The following FKRP variants were observed in gnomAD, a reference collection of about 807,000 sequenced individuals.
FKRP encodes the protein fukutin related protein, also known as ribitol 5-phosphate transferase FKRP.
FKRP carries 25 observed loss-of-function variants against 30.6 expected under a neutral mutation model. That is an observed-to-expected ratio of 0.82 (90% CI 0.60 to 1.14). The LOEUF is 1.14. FKRP is among the 50% of genes most tolerant of loss of function. The pLI is 0.00. For missense variants in FKRP, 771 were observed against 727.8 expected (o/e 1.06, Z -0.68); for synonymous variants, 358 against 342.5 (o/e 1.05, Z -0.50).
At chr19:46,746,293 CT>C in intron 1 of FKRP, 1 of 1,418,688 alleles carries the variant, frequency 7.0e-7, no homozygotes, top group Non-Finnish European at 9.2e-7. Flanking sequence ...CGCCGCCTCC[CT>C]TACCTGCCGG....
chr19:46,753,566 G>A (rs570851635), intron 3 of FKRP, among the ~76,000 whole-genome samples: 63 of 151,866 alleles, frequency 4.1e-4, no homozygotes, highest in African/African-American at 1.4e-3. Flanking sequence ...GTGGAATGGG[G>A]GGCAGACAAG....
Position 46,756,422 on chromosome 19 carries a change from G to A in FKRP, c.972G>A (p.Glu324=). 6.3e-7 allele frequency: 1 copy of A among 1,579,794 alleles called. No homozygotes were observed. Among genetic ancestry groups the A allele is most frequent in the Non-Finnish European group, 8.6e-7 (1 of 1,163,484 alleles). Reference sequence around the variant, plus strand: ...CCTGCTGCCTGCGCGCGCTGCGCGAGACCGCCCGCTATGTGGTGGGCGTGC... The same window carrying A: ...CCTGCTGCCTGCGCGCGCTGCGCGAAACCGCCCGCTATGTGGTGGGCGTGC... ...TPPCCLRALR[E]TARYVVGVLE... Residue 324 remains glutamate (E), a synonymous_variant, in exon 4 of 4, where the codon GAG becomes GAA. Transcript: ENST00000318584. This position sits in a 1 kb window ranked among gnomAD's most constrained non-coding sequence, Gnocchi z 6.6.
At chr19:46,750,826 G>C (rs1410228410) in intron 3 of FKRP, among the ~76,000 whole-genome samples, 1 of 152,036 alleles carries the variant, frequency 6.6e-6, no homozygotes, top group Non-Finnish European at 1.5e-5. Context: ...CCCATACCCA[G>C]CCCACGTTCC....
rs73060707 is a variant in FKRP at position 46,757,236 on chromosome 19, C to A, written c.*298C>A. 3.7e-6 allele frequency: 2 copies of A among 534,614 alleles called. No homozygotes were observed. Among genetic ancestry groups the A allele is most frequent in the African/African-American group, 1.9e-5 (1 of 52,186 alleles). The allele number at this position is 534,614 out of a possible 1,614,324, so 33.1% of individuals were successfully genotyped here. On this transcript the variant is annotated 3_prime_UTR_variant, in exon 4 of 4. Transcript: ENST00000318584. Reference sequence around the variant, plus strand: ...GGGAGACGGGGATGTCACGCCGTCCCGCAGGGCCCAGCACAGCCCCAGACC... The same window carrying A: ...GGGAGACGGGGATGTCACGCCGTCCAGCAGGGCCCAGCACAGCCCCAGACC...
rs1426144016 is a variant in FKRP at position 46,755,898 on chromosome 19, G to A, written c.448G>A (p.Ala150Thr). The A allele has an allele frequency of 6.6e-7, 1 of 1,516,382 alleles. No homozygotes were observed. The highest frequency in any genetic ancestry group is 8.8e-7 in the Non-Finnish European group (1 of 1,137,094). 93.9% of individuals were successfully genotyped at this position (1,516,382 alleles called of 1,614,324 possible). ...LLERMVEALR[A>T]GSARLVAAPV... The stretch of plus-strand genomic sequence containing the variant: ...GGAGCGCATGGTGGAGGCGCTCCGC[G>A]CAGGAAGCGCACGTCTGGTGGCCGC... The change falls in exon 4 of 4, where the codon GCA becomes ACA. Residue 150 changes from alanine (A) to threonine (T), a missense_variant. Transcript: ENST00000318584.
intron 1 of FKRP, chr19:46,746,309 G>A (rs749699244): frequency 3.6e-5 from 49 of 1,370,882 alleles, no homozygotes; most frequent in Non-Finnish European, 4.3e-5. Context: ...TGCCGGGCCC[G>A]GCCCGGGGGC....
rs750377320 is a variant in FKRP at position 46,755,435 on chromosome 19, C to A, written c.-16C>A. 1 of 1,599,624 alleles carries A rather than the reference C, an allele frequency of 6.3e-7. No homozygotes were observed. Among genetic ancestry groups the A allele is most frequent in the Admixed American group, 1.7e-5 (1 of 59,586 alleles). ...AGGATGCCCCGGAGGCCCAGCTAGCCCCAGACTTCGGCCCCATGCGGCTCA... is the reference window on the plus strand; with the variant it reads ...AGGATGCCCCGGAGGCCCAGCTAGCACCAGACTTCGGCCCCATGCGGCTCA... On this transcript the variant is annotated 5_prime_UTR_variant, in exon 4 of 4. Coordinates refer to ENST00000318584, the MANE Select transcript of FKRP (RefSeq NM_024301.5).
At chr19:46,751,715 G>T (rs948809072) in intron 3 of FKRP, among the ~76,000 whole-genome samples, 1 of 151,962 alleles carries the variant, frequency 6.6e-6, no homozygotes, top group Non-Finnish European at 1.5e-5. Flanking sequence ...ACAGGCGCCC[G>T]CCACCGCGCC....
In FKRP at chr19:46,755,913, C is replaced by G. The variant is rs1220996946; in HGVS notation, c.463C>G (p.Leu155Val). Residue 155 changes from leucine (L) to valine (V), a missense_variant, in exon 4 of 4, where the codon CTG becomes GTG. By Grantham distance (32) the Leu-to-Val change is conservative (BLOSUM62 1). Transcript: ENST00000318584. Reference protein sequence around the residue: ...VEALRAGSARLVAAPVATANP... With the variant: ...VEALRAGSARVVAAPVATANP... ...GGCGCTCCGCGCAGGAAGCGCACGT[C>G]TGGTGGCCGCCCCGGTTGCCACGGC... 3 of 1,526,848 alleles carry G rather than the reference C, an allele frequency of 2.0e-6. No individual in the cohort carries two copies. Among genetic ancestry groups the G allele is most frequent in the Non-Finnish European group, 2.6e-6 (3 of 1,142,502 alleles). The allele number at this position is 1,526,848 out of a possible 1,614,324, so 94.6% of individuals were successfully genotyped here. A position where few individuals can be genotyped will look rare whatever the true frequency, so the allele number is the denominator to read the frequency against.
intron 1 of FKRP, 35 bp downstream of exon 1, chr19:46,746,125 C>A (rs776859717): frequency 7.0e-7 from 1 of 1,426,314 alleles, no homozygotes; most frequent in South Asian, 1.3e-5. Context: ...GGTTGGGGGT[C>A]GGGGGTCCCG....
rs541355514 is a variant in FKRP, at chr19:46,756,971, G to A, written c.*33G>A. The A allele has an allele frequency of 5.0e-6, 8 of 1,610,770 alleles. No homozygotes were observed. Among genetic ancestry groups the A allele is most frequent in the South Asian group, 1.1e-5 (1 of 90,518 alleles). ...ATAACCTCGCCTTTGTTTTTCGGGG[G>A]TCTGTCTGGATGTGGAGAAGCTCTG... On this transcript the variant is annotated 3_prime_UTR_variant, in exon 4 of 4. Transcript: ENST00000318584. The surrounding 1 kb of genome is among the most constrained non-coding windows in gnomAD (Gnocchi z 6.6).
chr19:46,745,081 G>A (rs2054553334), upstream of FKRP, among the ~76,000 whole-genome samples: 1 of 149,568 alleles, frequency 6.7e-6, no homozygotes, highest in Non-Finnish European at 1.5e-5. Flanking sequence ...GTTGCCTTCG[G>A]GCTCTACAAA....
chr19:46,756,210 C>T lies in FKRP; in HGVS notation c.760C>T (p.Arg254Cys), dbSNP rs1568418945. 2 of 1,440,664 alleles carry T rather than the reference C, an allele frequency of 1.4e-6. No individual in the cohort carries two copies. The highest frequency in any genetic ancestry group is 1.8e-6 in the Non-Finnish European group (2 of 1,103,946). 89.2% of individuals were successfully genotyped at this position (1,440,664 alleles called of 1,614,324 possible). A position where few individuals can be genotyped will look rare whatever the true frequency, so the allele number is the denominator to read the frequency against. The stretch of plus-strand genomic sequence containing the variant: ...GCCCCCGCTGGCCACGGCCCACGCG[C>T]GCTGGAAGGCTGAGCGCGAGGGACG... ...RQPPLATAHARWKAEREGRAR... is the reference protein window; with the variant it reads ...RQPPLATAHACWKAEREGRAR... Residue 254 changes from arginine (R) to cysteine (C), a missense_variant, in exon 4 of 4, where the codon CGC becomes TGC. By Grantham distance (180) the Arg-to-Cys change is radical. Transcript: ENST00000318584. This position sits in a 1 kb window ranked among gnomAD's most constrained non-coding sequence, Gnocchi z 6.6.
rs1199872825 is a variant in FKRP, at chr19:46,755,681, G to T, written c.231G>T (p.Gln77His). 2.5e-6 allele frequency: 4 copies of T among 1,591,476 alleles called. 1 individual carries two copies. The South Asian group carries it at 3.4e-5, about 13-fold the overall frequency. The change falls in exon 4 of 4, where the codon CAG (glutamine) becomes CAT (histidine). Residue 77 changes from glutamine to histidine, a missense_variant. By Grantham distance (24) the Gln-to-His change is conservative. Coordinates refer to ENST00000318584, the MANE Select transcript of FKRP (RefSeq NM_024301.5). ...VDSFLQQDPA[Q>H]PVVVAADTLP... Reference sequence around the variant, plus strand: ...CCTTCCTGCAGCAAGACCCAGCCCAGCCCGTGGTGGTGGCAGCCGACACGC... The same window carrying T: ...CCTTCCTGCAGCAAGACCCAGCCCATCCCGTGGTGGTGGCAGCCGACACGC...
At chr19:46,754,874 G>A (rs572836528) in intron 3 of FKRP, among the ~76,000 whole-genome samples, 15 of 152,040 alleles carry the variant, frequency 9.9e-5, no homozygotes, top group Non-Finnish European at 1.9e-4. Context: ...TCAAAGTGAT[G>A]GGATTACAGG....
Position 46,757,861 on chromosome 19 carries a change from C to G in FKRP, c.*923C>G, listed in dbSNP as rs1362884928. 6.0e-6 allele frequency: 1 copy of G among 166,828 alleles called. No homozygotes were observed. Among genetic ancestry groups the G allele is most frequent in the East Asian group, 1.9e-4 (1 of 5,196 alleles). The allele number at this position is 166,828 out of a possible 1,614,324, so 10.3% of individuals were successfully genotyped here. ...GCCGAGGTGGGAGGATCGCTTGAGC[C>G]CAGGAGTCTGAGACCAGCCTCGGCA... On this transcript the variant is annotated 3_prime_UTR_variant, in exon 4 of 4. Coordinates refer to ENST00000318584, the MANE Select transcript of FKRP (RefSeq NM_024301.5).
rs775201067 is a variant in FKRP at position 46,756,621 on chromosome 19, G to A, written c.1171G>A (p.Gly391Ser). The change falls in exon 4 of 4, where the codon GGC becomes AGC. Residue 391 changes from glycine to serine, a missense_variant. Coordinates refer to ENST00000318584, the MANE Select transcript of FKRP (RefSeq NM_024301.5). This position sits in a 1 kb window ranked among gnomAD's most constrained non-coding sequence, Gnocchi z 6.6. ...GGCCGGCTCGGTGGTGGATGAGCGCGGCTTCGTATGGGAGAAGGCGGTCGA... is the reference window on the plus strand; with the variant it reads ...GGCCGGCTCGGTGGTGGATGAGCGCAGCTTCGTATGGGAGAAGGCGGTCGA... The part of the protein sequence containing the change: ...AEAGSVVDER[G>S]FVWEKAVEGD... The A allele has an allele frequency of 1.1e-5, 18 of 1,612,512 alleles. No individual in the cohort carries two copies. The highest frequency in any genetic ancestry group is 1.5e-5 in the Non-Finnish European group (18 of 1,179,588).
intron 3 of FKRP, among the ~76,000 whole-genome samples, chr19:46,751,799 T>C (rs1292096073): frequency 6.6e-6 from 1 of 151,868 alleles, no homozygotes; most frequent in African/African-American, 2.4e-5. Flanking sequence ...ACTCCTGACC[T>C]CAGGCGATCT....
At chr19:46,753,407 A>G in intron 3 of FKRP, among the ~76,000 whole-genome samples, 1 of 147,634 alleles carries the variant, frequency 6.8e-6, no homozygotes. Context: ...CAGTGAGATG[A>G]GATAGCTGCC....
Sources: allele counts gnomAD v4.1 joint callset (sites outside exome capture counted in the v4.1 genomes callset), GRCh38; gene constraint gnomAD v4.1.1; non-coding constraint Gnocchi (gnomAD v3.1); transcripts MANE v1.5; gene names NCBI Gene and HGNC (gene_info 2026-07-23, HGNC 2026-07-21).